The following NAT16 variants were observed in gnomAD, a reference collection of about 807,000 sequenced individuals.
The protein encoded by NAT16 is probable N-acetyltransferase 16.
NAT16 carries 16 observed loss-of-function variants against 15.9 expected under a neutral mutation model. That is an observed-to-expected ratio of 1.01 (90% confidence interval 0.68 to 1.53). The LOEUF (loss-of-function observed/expected upper bound fraction) is 1.53. Among genes scored for constraint, NAT16 ranks in the 40% most tolerant of loss-of-function variants. The probability of loss-of-function intolerance (pLI) is 0.00; values close to 1 mark genes in which losing one functional copy is unlikely to be tolerated. For synonymous variants in NAT16, 260 were observed against 241.9 expected, an observed-to-expected ratio of 1.07 and a Z score of -0.69; for missense variants, 572 against 508.4, an observed-to-expected ratio of 1.13 and a Z score of -1.20.
chr7:101,172,244 C>T lies in NAT16; in HGVS notation c.945G>A (p.Trp315Ter), dbSNP rs768491747. 1 of 1,613,270 alleles carries T rather than the reference C, an allele frequency of 6.2e-7. No homozygotes were observed. The highest frequency in any genetic ancestry group is 1.1e-5 in the South Asian group (1 of 91,058). Residue 315 changes from tryptophan (W) to a stop codon, truncating the protein, a stop_gained, in exon 4 of 4, where the codon TGG becomes TGA. Coordinates refer to ENST00000300303, the MANE Select transcript of NAT16 (RefSeq NM_198571.3). LOFTEE classifies it low-confidence loss of function (END_TRUNC). This position sits in a 1 kb window ranked among gnomAD's most constrained non-coding sequence, Gnocchi z 4.2. ...GGCGCGGGGCCTGGCGCTGCAGGTG[C>T]CACAGCAGCTGGCTCTGCACCTGCG... is the stretch of plus-strand genomic sequence containing the variant. The part of the protein sequence containing the change: ...DGAQVQSQLL[W>*]HLQRQAPRLV...
In NAT16 at chr7:101,173,324, A is replaced by T. The variant is rs1168006499; in HGVS notation, c.509T>A (p.Leu170Gln). 9.3e-6 allele frequency: 15 copies of T among 1,613,938 alleles called. No individual in the cohort carries two copies. The highest frequency in any genetic ancestry group is 1.3e-5 in the African/African-American group (1 of 75,000). Residue 170 changes from leucine to glutamine, a missense_variant, in exon 3 of 4, where the codon CTG (leucine) becomes CAG (glutamine). Coordinates refer to ENST00000300303, the MANE Select transcript of NAT16 (RefSeq NM_198571.3). ...CTTGGTGATTAGGCGGTATTTCTTC[A>T]GCTCCCGGGGGCCCAGCTGGTCGTC... Reference protein sequence around the residue: ...TRDDQLGPRELKKYRLITKQG... With the variant: ...TRDDQLGPREQKKYRLITKQG...
rs1797323387 is a variant in NAT16, at chr7:101,171,644, G to A, written c.*435C>T. ...GGATTGGGCGGCTGCGCTCGGGAAC[G>A]AGGCTGGGCATCCCACACACTCCTG... On this transcript the variant is annotated 3_prime_UTR_variant, in exon 4 of 4. Coordinates refer to ENST00000300303, the MANE Select transcript of NAT16 (RefSeq NM_198571.3). 1 of 159,640 alleles carries A rather than the reference G, an allele frequency of 6.3e-6. No individual in the cohort carries two copies. Among genetic ancestry groups the A allele is most frequent in the Non-Finnish European group, 1.4e-5 (1 of 73,454 alleles). 9.9% of individuals were successfully genotyped at this position (159,640 alleles called of 1,614,324 possible).
In NAT16 at chr7:101,173,384, T is replaced by A. The variant is rs550776605; in HGVS notation, c.449A>T (p.Gln150Leu). 20 of 1,614,032 alleles carry A rather than the reference T, an allele frequency of 1.2e-5. No homozygotes were observed. The Admixed American group carries it at 1.5e-4, about 12-fold the overall frequency. Residue 150 changes from glutamine (Q) to leucine (L), a missense_variant, in exon 3 of 4, where the codon CAG (glutamine) becomes CTG (leucine). By Grantham distance (113) the Gln-to-Leu change is moderately radical. Coordinates refer to ENST00000300303, the MANE Select transcript of NAT16 (RefSeq NM_198571.3). ...CCGTGCCACCTTGACCCCCGGGTGC[T>A]GTCTCTTGACCAGCTGCGAGCAGAA... ...QRFCSQLVKR[Q>L]HPGVKVARLT...
intron 1 of NAT16, among the ~76,000 whole-genome samples, chr7:101,177,298 C>T (rs575824424): frequency 2.0e-4 from 31 of 152,246 alleles, no homozygotes; most frequent in Non-Finnish European, 3.7e-4. Flanking sequence ...GGCTTCCAGG[C>T]CAGGGGGGAG....
In NAT16 at chr7:101,171,995, G is replaced by T; in HGVS notation, c.*84C>A. On this transcript the variant is annotated 3_prime_UTR_variant, in exon 4 of 4. Coordinates refer to ENST00000300303, the MANE Select transcript of NAT16 (RefSeq NM_198571.3). ...GAGGGGACTTCCCAGGAGACGCAGCGTCGGAAATGGCAGGAAAGAGGCTGG... is the reference window on the plus strand; with the variant it reads ...GAGGGGACTTCCCAGGAGACGCAGCTTCGGAAATGGCAGGAAAGAGGCTGG... The T allele has an allele frequency of 2.1e-6, 2 of 972,120 alleles. No homozygotes were observed. The highest frequency in any genetic ancestry group is 1.5e-5 in the South Asian group (1 of 65,136). 60.2% of individuals were successfully genotyped at this position (972,120 alleles called of 1,614,324 possible).
intron 1 of NAT16, among the ~76,000 whole-genome samples, chr7:101,176,441 G>C (rs1359695847): frequency 6.7e-6 from 1 of 150,176 alleles, no homozygotes; most frequent in Admixed American, 6.7e-5. Context: ...GTTGTAGTGA[G>C]CCTGAGCCGA....
rs1309402164 is a variant in NAT16 at position 101,172,196 on chromosome 7, G to T, written c.993C>A (p.Cys331Ter). ...ACAGCTGGGGCTCCAGGAAGAGCTG[G>T]CACATGACGTTGAGGCCAACGAGGC... ...APRLVGLNVM[C>*]QLFLEPQLWS... is the part of the protein sequence containing the mutation. Residue 331 changes from cysteine to a stop codon, truncating the protein, a stop_gained, in exon 4 of 4, where the codon TGC becomes TGA. Coordinates refer to ENST00000300303, the MANE Select transcript of NAT16 (RefSeq NM_198571.3). LOFTEE classifies it low-confidence loss of function (END_TRUNC). The surrounding 1 kb of genome is among the most constrained non-coding windows in gnomAD (Gnocchi z 4.2). The T allele has an allele frequency of 1.2e-6, 2 of 1,613,784 alleles. No individual in the cohort carries two copies. The highest frequency in any genetic ancestry group is 1.7e-6 in the Non-Finnish European group (2 of 1,179,936).
chr7:101,178,239 C>G (rs79230718), intron 1 of NAT16, among the ~76,000 whole-genome samples: 1 of 152,264 alleles, frequency 6.6e-6, no homozygotes, highest in East Asian at 1.9e-4. Flanking sequence ...GAAGAACTTT[C>G]CAATGCATCC....
At chr7:101,175,930 A>T (rs2116731257) in intron 1 of NAT16, among the ~76,000 whole-genome samples, 1 of 151,962 alleles carries the variant, frequency 6.6e-6, no homozygotes. Flanking sequence ...TCAAAAAAAA[A>T]AAAAAAGAGG....
rs1562874738 is a variant in NAT16, at chr7:101,174,618, C to T, written c.190G>A (p.Glu64Lys). 1 of 1,614,100 alleles carries T rather than the reference C, an allele frequency of 6.2e-7. No individual in the cohort carries two copies. The highest frequency in any genetic ancestry group is 8.5e-7 in the Non-Finnish European group (1 of 1,180,058). Residue 64 changes from glutamate to lysine, a missense_variant, in exon 2 of 4, where the codon GAG (glutamate) becomes AAG (lysine). Coordinates refer to ENST00000300303, the MANE Select transcript of NAT16 (RefSeq NM_198571.3). ...CCCCCCGAGATGGCCAGCACTTCCTCAAACTCCCGTTCCGTGGCCACCACG... is the reference window on the plus strand; with the variant it reads ...CCCCCCGAGATGGCCAGCACTTCCTTAAACTCCCGTTCCGTGGCCACCACG... ...DFVVATEREF[E>K]EVLAISGGIY... is the part of the protein sequence containing the mutation.
rs1797393188 is a variant in NAT16, at chr7:101,173,537, TTA to T, written c.313-19_313-18del. 1 of 1,553,764 alleles carries T rather than the reference TTA, an allele frequency of 6.4e-7. No individual in the cohort carries two copies. The highest frequency in any genetic ancestry group is 1.8e-5 in the Admixed American group (1 of 55,422). ...CAGCGCGATCTGCGGACCGAGGCCGTTAGCGCGGGGCCCTCCCCGCCTGCGCC... is the reference window on the plus strand; with the variant it reads ...CAGCGCGATCTGCGGACCGAGGCCGTGCGCGGGGCCCTCCCCGCCTGCGCC... On this transcript the variant is annotated intron_variant, in intron 2 of 3. Transcript: ENST00000300303.
chr7:101,174,424 T>A (rs1302876504), intron 2 of NAT16, 72 bp downstream of exon 2: 1 of 1,475,146 alleles, frequency 6.8e-7, no homozygotes, highest in Admixed American at 2.4e-5. Context: ...GCTCTCATCC[T>A]CCTCTTCCTA....
In NAT16 at chr7:101,174,592, G is replaced by A. The variant is rs554248246; in HGVS notation, c.216C>T (p.Gly72=). The A allele has an allele frequency of 6.8e-6, 11 of 1,614,132 alleles. No individual in the cohort carries two copies. The East Asian group carries it at 2.2e-4, about 33-fold the overall frequency. ...GAAGGTAGTCCAGGCCGCCGTAGAT[G>A]CCCCCCGAGATGGCCAGCACTTCCT... ...EFEEVLAISG[G]IYGGLDYLPS... The change falls in exon 2 of 4, where the codon GGC becomes GGT. Residue 72 remains glycine, a synonymous_variant. Coordinates refer to ENST00000300303, the MANE Select transcript of NAT16 (RefSeq NM_198571.3).
Position 101,172,672 on chromosome 7 carries a change from C to A in NAT16, c.538-21G>T, listed in dbSNP as rs1797357671. 1 of 1,459,386 alleles carries A rather than the reference C, an allele frequency of 6.9e-7. No homozygotes were observed. Among genetic ancestry groups the A allele is most frequent in the East Asian group, 2.8e-5 (1 of 36,060 alleles). 90.4% of individuals were successfully genotyped at this position (1,459,386 alleles called of 1,614,324 possible). On this transcript the variant is annotated intron_variant, in intron 3 of 3. Coordinates refer to ENST00000300303, the MANE Select transcript of NAT16 (RefSeq NM_198571.3). This position sits in a 1 kb window ranked among gnomAD's most constrained non-coding sequence, Gnocchi z 4.2. ...ATGCCCTGCGGGGGGCACGAGTGAG[C>A]GCGGGGAGGGGGGGCGCAGCAGGGC...
chr7:101,171,826 C>T lies in NAT16; in HGVS notation c.*253G>A, dbSNP rs1797328339. 8 of 483,554 alleles carry T rather than the reference C, an allele frequency of 1.7e-5. No individual in the cohort carries two copies. Among genetic ancestry groups the T allele is most frequent in the Non-Finnish European group, 7.3e-6 (2 of 275,272 alleles). The allele number at this position is 483,554 out of a possible 1,614,324, so 30.0% of individuals were successfully genotyped here. Reference sequence around the variant, plus strand: ...GGTGGATAACAGCAGCTCAAGGCCCCCACCCCCAGCCCCCACCTAATAGTC... The same window carrying T: ...GGTGGATAACAGCAGCTCAAGGCCCTCACCCCCAGCCCCCACCTAATAGTC... On this transcript the variant is annotated 3_prime_UTR_variant, in exon 4 of 4. Coordinates refer to ENST00000300303, the MANE Select transcript of NAT16 (RefSeq NM_198571.3).
chr7:101,178,067 G>T (rs1797505005), intron 1 of NAT16, among the ~76,000 whole-genome samples: 1 of 152,218 alleles, frequency 6.6e-6, no homozygotes, highest in Admixed American at 6.5e-5. Context: ...CGGTAGACTG[G>T]AACCCACCTG....
intron 1 of NAT16, among the ~76,000 whole-genome samples, chr7:101,178,296 G>A (rs183968476): frequency 6.6e-6 from 1 of 152,208 alleles, no homozygotes; most frequent in Non-Finnish European, 1.5e-5. Context: ...TCCATTTTGG[G>A]GGACATGAAC....
intron 1 of NAT16, among the ~76,000 whole-genome samples, chr7:101,178,648 G>A (rs113907405): frequency 4.8e-5 from 7 of 146,882 alleles, no homozygotes; most frequent in African/African-American, 9.9e-5. Flanking sequence ...CAAGGGAGGC[G>A]GATCATCTGA....
Position 101,170,908 on chromosome 7 carries a change from T to G in NAT16, c.*1171A>C, listed in dbSNP as rs1384300231. 6.6e-6 allele frequency: 1 copy of G among 152,236 alleles called. No individual in the cohort carries two copies. Among genetic ancestry groups the G allele is most frequent in the Non-Finnish European group, 1.5e-5 (1 of 68,066 alleles). The allele number at this position is 152,236 out of a possible 1,614,324, so 9.4% of individuals were successfully genotyped here. A position where few individuals can be genotyped will look rare whatever the true frequency, so the allele number is the denominator to read the frequency against. On this transcript the variant is annotated 3_prime_UTR_variant, in exon 4 of 4. Coordinates refer to ENST00000300303, the MANE Select transcript of NAT16 (RefSeq NM_198571.3). The stretch of plus-strand genomic sequence containing the variant: ...ACTTTGATCTTTCCCAGCCTTCTGT[T>G]TTCTCCCTCTGCCTTTGATGTGGGG...
Sources: gnomAD v4.1 joint callset for allele counts (sites outside exome capture counted in the v4.1 genomes callset) on GRCh38, gnomAD v4.1.1 for gene constraint, Gnocchi (gnomAD v3.1) non-coding constraint, MANE v1.5 for transcripts, NCBI Gene and HGNC (gene_info 2026-07-23, HGNC 2026-07-21) for gene names.